Variants in GALNT17 observed in about 807,000 individuals in gnomAD.
GALNT17 encodes UDP-GalNAc:polypeptide N-acetylgalactosaminyltransferase-like 3.
GALNT17 carries 29 observed loss-of-function variants against 63.7 expected under a neutral mutation model. That is an observed-to-expected ratio of 0.46 (90% CI 0.34 to 0.62). The LOEUF (loss-of-function observed/expected upper bound fraction) is 0.62, where lower values mean the gene tolerates loss of function less well. GALNT17 is among the 20% of genes least tolerant of loss of function. The probability of loss-of-function intolerance (pLI) is 0.01; values close to 1 mark genes in which losing one functional copy is unlikely to be tolerated. For synonymous variants in GALNT17, 305 were observed against 318.3 expected (o/e 0.96, Z 0.45); for missense variants, 603 against 799.6 (o/e 0.75, Z 2.97).
chr7:71,196,384 C>G (rs1395103432), intron 1 of GALNT17, among the ~76,000 whole-genome samples: 1 of 152,122 alleles, frequency 6.6e-6, no homozygotes, highest in Non-Finnish European at 1.5e-5. Flanking sequence ...AGGTGATCCA[C>G]CCGCCTCAGC....
At chr7:71,480,446 C>A (rs1243136412) in intron 5 of GALNT17, among the ~76,000 whole-genome samples, 1 of 152,166 alleles carries the variant, frequency 6.6e-6, no homozygotes, top group African/African-American at 2.4e-5. Flanking sequence ...CCTACTCATA[C>A]GTGGCATCCT....
At chr7:71,516,022 A>T (rs1788439715) in intron 5 of GALNT17, among the ~76,000 whole-genome samples, 1 of 152,188 alleles carries the variant, frequency 6.6e-6, no homozygotes, top group South Asian at 2.1e-4. Context: ...GCAGCCGATT[A>T]TGCATTTATC....
intron 1 of GALNT17, among the ~76,000 whole-genome samples, chr7:71,312,029 C>T (rs149366560): frequency 6.6e-6 from 1 of 152,330 alleles, no homozygotes; most frequent in Non-Finnish European, 1.5e-5. Flanking sequence ...GCCATAGCAA[C>T]ACCAGGCAGT....
intron 1 of GALNT17, among the ~76,000 whole-genome samples, chr7:71,271,841 C>T (rs902475281): frequency 5.3e-5 from 8 of 152,294 alleles, no homozygotes; most frequent in South Asian, 2.1e-4. Context: ...TTCACTGCAG[C>T]GTCGACCTCC....
At chr7:71,641,521 C>T (rs80203495) in intron 6 of GALNT17, among the ~76,000 whole-genome samples, 3,117 of 152,166 alleles carry the variant, frequency 0.02, 127 homozygotes, top group African/African-American at 0.071. Flanking sequence ...CACTTTCTGG[C>T]TCCTAGACAG....
rs777859518 is a variant in GALNT17, at chr7:71,677,099, C to T, written c.1405-112C>T. ...GAGCCCTGGTCCTCACTTAGAGGCT[C>T]GTGTTGTCTTCCCATCATGAAGTTG... On this transcript the variant is annotated intron_variant, in intron 8 of 10. Coordinates refer to ENST00000333538, the MANE Select transcript of GALNT17 (RefSeq NM_022479.3). 1,437 of 1,021,038 alleles carry T rather than the reference C, an allele frequency of 1.4e-3. 8 individuals carry two copies. The highest frequency in any genetic ancestry group is 3.8e-3 in the Admixed American group (224 of 58,410). 63.2% of individuals were successfully genotyped at this position (1,021,038 alleles called of 1,614,324 possible).
At chr7:71,222,151 C>A (rs73190438) in intron 1 of GALNT17, among the ~76,000 whole-genome samples, 49,960 of 151,504 alleles carry the variant, frequency 0.33, 9,155 homozygotes, top group South Asian at 0.53. Flanking sequence ...AGGTGATCAG[C>A]CAGCCTCAGC....
chr7:71,480,664 A>G (rs1223737295), intron 5 of GALNT17, among the ~76,000 whole-genome samples: 1 of 152,036 alleles, frequency 6.6e-6, no homozygotes, highest in African/African-American at 2.4e-5. Context: ...GTACCACCAC[A>G]CCCAGCAAAT....
At chr7:71,610,960 T>C (rs936410737) in intron 6 of GALNT17, among the ~76,000 whole-genome samples, 1 of 143,124 alleles carries the variant, frequency 7.0e-6, no homozygotes, top group African/African-American at 2.6e-5. Context: ...CACTCCAGCC[T>C]GAGCGGTGAC....
chr7:71,296,177 C>T (rs1791076079), intron 1 of GALNT17, among the ~76,000 whole-genome samples: 1 of 152,128 alleles, frequency 6.6e-6, no homozygotes. Flanking sequence ...TTATCTTTCA[C>T]ATTTAAAAAG....
At chr7:71,310,148 C>A (rs1198730631) in intron 1 of GALNT17, among the ~76,000 whole-genome samples, 1 of 152,184 alleles carries the variant, frequency 6.6e-6, no homozygotes, top group Non-Finnish European at 1.5e-5. Flanking sequence ...GTCCATCAAA[C>A]CTCTTGCTTT....
At chr7:71,466,949 G>A (rs572046355) in intron 5 of GALNT17, among the ~76,000 whole-genome samples, 154 of 150,536 alleles carry the variant, frequency 1.0e-3, no homozygotes, top group Non-Finnish European at 1.8e-3. Flanking sequence ...CCTCCACCTT[G>A]GGCACATGTG....
chr7:71,350,276 A>G (rs1194283642), intron 2 of GALNT17, among the ~76,000 whole-genome samples: 1 of 152,200 alleles, frequency 6.6e-6, no homozygotes, highest in Non-Finnish European at 1.5e-5. Context: ...TTATTCATTC[A>G]CTCAGTAAAT....
chr7:71,660,572 G>A (rs1221100786), intron 6 of GALNT17, among the ~76,000 whole-genome samples: 2 of 152,148 alleles, frequency 1.3e-5, no homozygotes, highest in African/African-American at 4.8e-5. Context: ...GCTGTACTTG[G>A]GATACTCATA....
intron 6 of GALNT17, among the ~76,000 whole-genome samples, chr7:71,594,933 G>A (rs2116923906): frequency 6.6e-6 from 1 of 152,328 alleles, no homozygotes; most frequent in East Asian, 1.9e-4. Context: ...TAGAGACTCT[G>A]CAGATGTAAT....
intron 9 of GALNT17, among the ~76,000 whole-genome samples, chr7:71,708,864 A>G (rs1365870531): frequency 6.6e-6 from 1 of 152,210 alleles, no homozygotes; most frequent in Non-Finnish European, 1.5e-5. Flanking sequence ...CTCCAGCTGC[A>G]TCCATGTTGC....
At chr7:71,414,577 G>T (rs902898877) in intron 3 of GALNT17, among the ~76,000 whole-genome samples, 2 of 151,992 alleles carry the variant, frequency 1.3e-5, no homozygotes, top group Admixed American at 1.3e-4. Flanking sequence ...CTGAAGTCTC[G>T]CAACTTCTTA....
At chr7:71,371,875 A>G (rs1018126539) in intron 2 of GALNT17, among the ~76,000 whole-genome samples, 3 of 152,148 alleles carry the variant, frequency 2.0e-5, no homozygotes, top group African/African-American at 7.2e-5. Flanking sequence ...CCTTCTAGGT[A>G]TTTATTCTCT....
chr7:71,524,261 T>C (rs1788587851), intron 5 of GALNT17, among the ~76,000 whole-genome samples: 1 of 147,498 alleles, frequency 6.8e-6, no homozygotes. Flanking sequence ...TATATTATAT[T>C]ATATATAATT....
Sources: gnomAD v4.1 joint callset for allele counts (sites outside exome capture counted in the v4.1 genomes callset) on GRCh38, gnomAD v4.1.1 for gene constraint, MANE v1.5 for transcripts, NCBI Gene and HGNC (gene_info 2026-07-23, HGNC 2026-07-21) for gene names.